PML: variants seen among roughly 807,000 people sequenced by gnomAD.
PML encodes the protein protein PML.
In PML, 28 loss-of-function variants were observed where a neutral mutation model predicts 65.2. The ratio of observed to expected loss-of-function variants is 0.43; its 90% CI spans 0.32 to 0.59. The LOEUF is 0.59. PML is among the 20% of genes least tolerant of loss of function. The pLI is 0.08. For synonymous variants in PML, 500 were observed against 508.8 expected (o/e 0.98, Z 0.23); for missense variants, 1,021 against 1,203.4 (o/e 0.85, Z 2.24).
intron 2 of PML, among the ~76,000 whole-genome samples, chr15:74,014,968 G>C (rs1196588378): frequency 4.6e-5 from 7 of 152,126 alleles, no homozygotes; most frequent in African/African-American, 1.4e-4. Flanking sequence ...TATGCCTTGG[G>C]AGCAGGTACC....
At chr15:74,001,351 T>TA (rs1491176760) in intron 2 of PML, among the ~76,000 whole-genome samples, 1 of 63,596 alleles carries the variant, frequency 1.6e-5, no homozygotes, top group East Asian at 4.7e-4. Context: ...TAATAATAAC[T>TA]TTTTTTTTTT....
chr15:74,016,790 A>ATTTT (rs1419052993), intron 2 of PML, among the ~76,000 whole-genome samples: 1 of 64,470 alleles, frequency 1.6e-5, no homozygotes, highest in Admixed American at 1.5e-4. Context: ...AGGCAGTGGC[A>ATTTT]TCTTTTTTTT....
intron 1 of PML, among the ~76,000 whole-genome samples, chr15:73,997,245 C>T (rs1056023984): frequency 1.3e-5 from 2 of 152,164 alleles, no homozygotes; most frequent in South Asian, 2.1e-4. Flanking sequence ...TGGAGAGTTG[C>T]GGTTTTCCTT....
chr15:73,997,459 T>C (rs1442763649), intron 1 of PML, among the ~76,000 whole-genome samples: 1 of 152,272 alleles, frequency 6.6e-6, no homozygotes, highest in East Asian at 1.9e-4. Context: ...CCATTATATG[T>C]GTAGACCACA....
Position 74,035,431 on chromosome 15 carries a change from A to T in PML, c.1710+901A>T. 6.2e-7 allele frequency: 1 copy of T among 1,612,102 alleles called. No individual in the cohort carries two copies. The highest frequency in any genetic ancestry group is 8.5e-7 in the Non-Finnish European group (1 of 1,179,950). On this transcript the variant is annotated intron_variant, in intron 7 of 8. Transcript: ENST00000268058. This position sits in a 1 kb window ranked among gnomAD's most constrained non-coding sequence, Gnocchi z 4.1. The stretch of plus-strand genomic sequence containing the variant: ...CCTGCCGTCCACCGTGGGATCCGCT[A>T]CCTGTTGTACAGAGCACAGAGAGCC...
intron 2 of PML, among the ~76,000 whole-genome samples, chr15:74,014,924 AG>A (rs943921146): frequency 2.4e-4 from 36 of 152,172 alleles, no homozygotes; most frequent in Non-Finnish European, 1.3e-4. Flanking sequence ...GACATGATCC[AG>A]GGGAACACTG....
At chr15:73,998,970 GA>G (rs928727972) in intron 2 of PML, among the ~76,000 whole-genome samples, 12 of 151,864 alleles carry the variant, frequency 7.9e-5, no homozygotes, top group Non-Finnish European at 1.5e-4. Context: ...TCTGTATGGG[GA>G]AAAAAAATCA....
In PML at chr15:74,035,804, TC is replaced by T; in HGVS notation, c.1710+1279del. The T allele has an allele frequency of 6.2e-7, 1 of 1,613,874 alleles. No individual in the cohort carries two copies. Among genetic ancestry groups the T allele is most frequent in the South Asian group, 1.1e-5 (1 of 91,070 alleles). On this transcript the variant is annotated intron_variant, in intron 7 of 8. Coordinates refer to ENST00000268058, the MANE Select transcript of PML (RefSeq NM_033238.3). The surrounding 1 kb of genome is among the most constrained non-coding windows in gnomAD (Gnocchi z 4.1). ...GAGCCCAGACTCTTGGAGCAGGTGTTCCCCCTGGGGACTCTGTCAGAGGCTC... is the reference window on the plus strand; with the variant it reads ...GAGCCCAGACTCTTGGAGCAGGTGTTCCCCTGGGGACTCTGTCAGAGGCTC...
In PML at chr15:74,035,359, C is replaced by A. The variant is rs1304984468; in HGVS notation, c.1710+829C>A. 1.9e-6 allele frequency: 3 copies of A among 1,611,978 alleles called. No individual in the cohort carries two copies. Among genetic ancestry groups the A allele is most frequent in the Non-Finnish European group, 1.7e-6 (2 of 1,179,906 alleles). Reference sequence around the variant, plus strand: ...CACCAGCCCGCTGAGCAGGCTGCCACCCCCGATGCTGAGCCTCACAGCGAG... The same window carrying A: ...CACCAGCCCGCTGAGCAGGCTGCCAACCCCGATGCTGAGCCTCACAGCGAG... On this transcript the variant is annotated intron_variant, in intron 7 of 8. Transcript: ENST00000268058. This position sits in a 1 kb window ranked among gnomAD's most constrained non-coding sequence, Gnocchi z 4.1.
At position 74,016,792 on chromosome 15, in the gene PML, C is replaced by CTTTTTTTTTTTTTTTTTTTTTT. The variant is rs535665071; in HGVS notation, c.603-6035_603-6014dup. Among the ~76,000 whole-genome samples, 16 of 77,648 alleles carry CTTTTTTTTTTTTTTTTTTTTTT rather than the reference C, an allele frequency of 2.1e-4. 2 individuals are homozygous for CTTTTTTTTTTTTTTTTTTTTTT. The highest frequency in any genetic ancestry group is 4.4e-4 in the East Asian group (1 of 2,254). 50.9% of individuals were successfully genotyped at this position (77,648 alleles called of 152,430 possible). On this transcript the variant is annotated intron_variant, in intron 2 of 8. Transcript: ENST00000268058. ...TTTTGAATTTTTTAGGCAGTGGCATCTTTTTTTTTTTTTTTTTTTTTTGAG... is the reference window on the plus strand; with the variant it reads ...TTTTGAATTTTTTAGGCAGTGGCATCTTTTTTTTTTTTTTTTTTTTTTTTTTTTTTTTTTTTTTTTTTTTGAG...
At chr15:74,040,193 T>A (rs371065880) in intron 7 of PML, among the ~76,000 whole-genome samples, 18 of 152,360 alleles carry the variant, frequency 1.2e-4, no homozygotes, top group African/African-American at 4.1e-4. Context: ...TTTACTTGCA[T>A]CTTTTGAAAG....
intron 2 of PML, among the ~76,000 whole-genome samples, chr15:74,019,202 A>ACT (rs1308419600): frequency 1.3e-5 from 2 of 152,306 alleles, no homozygotes; most frequent in African/African-American, 4.8e-5. Context: ...AAGCTTAGAA[A>ACT]AAGGACCCAG....
chr15:74,037,607 C>A lies in PML; in HGVS notation c.1710+3077C>A. 2.0e-6 allele frequency: 2 copies of A among 985,414 alleles called. No individual in the cohort carries two copies. Among genetic ancestry groups the A allele is most frequent in the Non-Finnish European group, 2.4e-6 (2 of 829,926 alleles). 61.0% of individuals were successfully genotyped at this position (985,414 alleles called of 1,614,324 possible). A position where few individuals can be genotyped will look rare whatever the true frequency, so the allele number is the denominator to read the frequency against. On this transcript the variant is annotated intron_variant, in intron 7 of 8. Coordinates refer to ENST00000268058, the MANE Select transcript of PML (RefSeq NM_033238.3). This position sits in a 1 kb window ranked among gnomAD's most constrained non-coding sequence, Gnocchi z 4.2. ...CTTCACCCCACCTCCTGCGCTTCCC[C>A]GCCAGTACCAGGGTGGCCTCTGTGC...
chr15:74,044,450 G>A lies in PML; in HGVS notation c.2091G>A (p.Leu697=), dbSNP rs756674362. The A allele has an allele frequency of 1.2e-6, 2 of 1,614,118 alleles. No individual in the cohort carries two copies. The highest frequency in any genetic ancestry group is 1.7e-6 in the Non-Finnish European group (2 of 1,180,048). The change falls in exon 9 of 9, where the codon CTG becomes CTA. Residue 697 remains leucine, a synonymous_variant. Coordinates refer to ENST00000268058, the MANE Select transcript of PML (RefSeq NM_033238.3). ...GGGCCCTGGAGGACATTAACAGGCTGTGGGAATTCCAGGAGGCCATCTCGG... is the reference window on the plus strand; with the variant it reads ...GGGCCCTGGAGGACATTAACAGGCTATGGGAATTCCAGGAGGCCATCTCGG... ...FFRALEDINR[L]WEFQEAISGF...
At chr15:74,022,253 G>C (rs527824807) in intron 2 of PML, among the ~76,000 whole-genome samples, 1 of 152,160 alleles carries the variant, frequency 6.6e-6, no homozygotes, top group African/African-American at 2.4e-5. Context: ...CACCGCGCCC[G>C]GCCGATTTCT....
chr15:74,035,735 T>C lies in PML; in HGVS notation c.1710+1205T>C, dbSNP rs781582190. 6.2e-7 allele frequency: 1 copy of C among 1,614,182 alleles called. No individual in the cohort carries two copies. Among genetic ancestry groups the C allele is most frequent in the South Asian group, 1.1e-5 (1 of 91,088 alleles). On this transcript the variant is annotated intron_variant, in intron 7 of 8. Coordinates refer to ENST00000268058, the MANE Select transcript of PML (RefSeq NM_033238.3). The surrounding 1 kb of genome is among the most constrained non-coding windows in gnomAD (Gnocchi z 4.1). ...TTGCCCTCCCCTTCTCCTCCATGGC[T>C]TCCCAGCTTGACATGTCTTCCGTGG...
chr15:74,034,308 A>G (rs2071444988), intron 6 of PML, 170 bp from the exon 7 acceptor site: 1 of 798,872 alleles, frequency 1.3e-6, no homozygotes, highest in African/African-American at 1.7e-5. Context: ...CTCAAATCCA[A>G]ATGCAAAGCA....
Position 74,044,405 on chromosome 15 carries a change from T to C in PML, c.2046T>C (p.Pro682=), listed in dbSNP as rs759561244. Residue 682 remains proline, a synonymous_variant, in exon 9 of 9, where the codon CCT becomes CCC. Coordinates refer to ENST00000268058, the MANE Select transcript of PML (RefSeq NM_033238.3). The stretch of plus-strand genomic sequence containing the variant: ...TGGCCTGCTACAAGCTGTGGGGGCC[T>C]GGCCTCCCAAACTTCTTCCGGGCCC... ...PILACYKLWG[P]GLPNFFRALE... The C allele has an allele frequency of 9.3e-6, 15 of 1,614,072 alleles. No individual in the cohort carries two copies. The highest frequency in any genetic ancestry group is 1.2e-5 in the Non-Finnish European group (14 of 1,180,042).
chr15:74,013,647 C>T (rs2070431930), intron 2 of PML, among the ~76,000 whole-genome samples: 1 of 152,134 alleles, frequency 6.6e-6, no homozygotes, highest in Admixed American at 6.5e-5. Flanking sequence ...GCTGCCCGTT[C>T]TCACCATATG....
Sources: allele counts gnomAD v4.1 joint callset (sites outside exome capture counted in the v4.1 genomes callset), GRCh38; gene constraint gnomAD v4.1.1; non-coding constraint Gnocchi (gnomAD v3.1); transcripts MANE v1.5; gene names NCBI Gene and HGNC (gene_info 2026-07-23, HGNC 2026-07-21).